Variants in NR6A1 observed in about 807,000 individuals in gnomAD.
NR6A1 encodes the protein nuclear receptor subfamily 6 group A member 1.
Under a neutral mutation model 59.1 loss-of-function variants are expected in NR6A1, and 7 were observed. The observed-to-expected ratio is 0.12, with a 90% CI of 0.07 to 0.22. NR6A1 has a LOEUF of 0.22. Ranked by LOEUF, NR6A1 falls within the 10% of genes least tolerant of loss-of-function variation. The probability of loss-of-function intolerance (pLI) is 1.00; values close to 1 mark genes in which losing one functional copy is unlikely to be tolerated. For synonymous variants in NR6A1, 243 were observed against 236.1 expected, an observed-to-expected ratio of 1.03 and a Z score of -0.27; for missense variants, 468 against 611.6, an observed-to-expected ratio of 0.77 and a Z score of 2.48.
Position 124,554,255 on chromosome 9 carries a change from T to G in NR6A1, c.385+73A>C, listed in dbSNP as rs569859420. On this transcript the variant is annotated intron_variant, in intron 3 of 9. Coordinates refer to ENST00000487099, the MANE Select transcript of NR6A1 (RefSeq NM_033334.4). ...ATGTAGTGCAAGCTTGAGGAATAAG[T>G]AACTAAACAGCTGACACTAAAGGTA... is the stretch of plus-strand genomic sequence containing the variant. 2.5e-6 allele frequency: 4 copies of G among 1,604,974 alleles called. No individual in the cohort carries two copies. The East Asian group carries it at 8.9e-5, about 36-fold the overall frequency.
rs1346415555 is a variant in NR6A1 at position 124,538,161 on chromosome 9, C to A, written c.755G>T (p.Ser252Ile). ...QARSLDPQSY[S>I]LIHQLLSAED... ...GGCTGATAACAGCTGGTGAATCAGA[C>A]TGTATGACTGGGGATCCAGGCTGCG... Residue 252 changes from serine to isoleucine, a missense_variant, in exon 6 of 10, where the codon AGT (serine) becomes ATT (isoleucine). Around this residue, in one of 4 missense-constraint regions of NR6A1, gnomAD observed 151 missense variants for 142.8 expected, o/e 1.06. Transcript: ENST00000487099. The A allele has an allele frequency of 6.2e-7, 1 of 1,614,192 alleles. No individual in the cohort carries two copies. Among genetic ancestry groups the A allele is most frequent in the South Asian group, 1.1e-5 (1 of 91,082 alleles).
chr9:124,598,476 T>C (rs951801962), intron 2 of NR6A1, among the ~76,000 whole-genome samples: 5 of 151,404 alleles, frequency 3.3e-5, no homozygotes, highest in African/African-American at 9.7e-5. Flanking sequence ...CTTTGAAATG[T>C]GGGAAAAAAG....
intron 2 of NR6A1, among the ~76,000 whole-genome samples, chr9:124,588,674 C>T (rs1185115899): frequency 6.8e-5 from 10 of 147,634 alleles, no homozygotes; most frequent in Non-Finnish European, 1.2e-4. Context: ...AATCCCAGCA[C>T]TTTGGGAGGC....
chr9:124,658,597 CAGA>C (rs1469519182), intron 2 of NR6A1: 1 of 152,120 alleles, frequency 6.6e-6, no homozygotes, highest in African/African-American at 2.4e-5. Context: ...TCTGGAAACA[CAGA>C]AGTTGTCCTC....
At chr9:124,614,567 G>A (rs1835838544) in intron 2 of NR6A1, among the ~76,000 whole-genome samples, 1 of 152,124 alleles carries the variant, frequency 6.6e-6, no homozygotes, top group Non-Finnish European at 1.5e-5. Context: ...CATGAGAGAT[G>A]GATAAGTCAG....
In NR6A1 at chr9:124,609,240, G is replaced by A. The variant is rs562561761; in HGVS notation, c.143-54670C>T. On this transcript the variant is annotated intron_variant, in intron 2 of 9. Coordinates refer to ENST00000487099, the MANE Select transcript of NR6A1 (RefSeq NM_033334.4). ...TTTCACCTAGGGTTTTTATGGTTTT[G>A]GATTTTACATTTAAGTCTTTAGTCC... 3.3e-5 allele frequency among the ~76,000 whole-genome samples: 5 copies of A among 152,104 alleles called. 1 individual carries two copies. The South Asian group carries it at 1.0e-3, about 32-fold the overall frequency.
At chr9:124,633,795 A>T (rs969892926) in intron 2 of NR6A1, among the ~76,000 whole-genome samples, 7 of 152,232 alleles carry the variant, frequency 4.6e-5, no homozygotes, top group Non-Finnish European at 7.3e-5. Flanking sequence ...AAGAAACTGC[A>T]CGCATGGTGA....
chr9:124,629,135 T>A (rs1427797165), intron 2 of NR6A1, among the ~76,000 whole-genome samples: 1 of 152,126 alleles, frequency 6.6e-6, no homozygotes, highest in Non-Finnish European at 1.5e-5. Flanking sequence ...CTGCCACAAG[T>A]GAATGGAGTT....
At chr9:124,535,390 CAACATGGTGA>C (rs1483927858) in intron 7 of NR6A1, among the ~76,000 whole-genome samples, 5 of 151,998 alleles carry the variant, frequency 3.3e-5, no homozygotes, top group Admixed American at 2.6e-4. Context: ...CCAGTCTCGC[CAACATGGTGA>C]AACCTCGTCT....
At chr9:124,745,509 T>C (rs1257144948) in intron 1 of NR6A1, among the ~76,000 whole-genome samples, 4 of 148,072 alleles carry the variant, frequency 2.7e-5, no homozygotes, top group Non-Finnish European at 6.0e-5. Context: ...CCGTCTTTAC[T>C]AAAAATACAA....
At chr9:124,619,150 C>T (rs1480381539) in intron 2 of NR6A1, among the ~76,000 whole-genome samples, 4 of 152,084 alleles carry the variant, frequency 2.6e-5, no homozygotes, top group Admixed American at 6.5e-5. Context: ...TATCTATTAA[C>T]GCAACCATTC....
chr9:124,647,874 T>C (rs1836985218), intron 2 of NR6A1, among the ~76,000 whole-genome samples: 1 of 152,270 alleles, frequency 6.6e-6, no homozygotes, highest in African/African-American at 2.4e-5. Context: ...TGCTGAATTA[T>C]ATGAAACACT....
At chr9:124,630,670 CTTTTTTTT>C (rs71372980) in intron 2 of NR6A1, among the ~76,000 whole-genome samples, 4 of 59,518 alleles carry the variant, frequency 6.7e-5, no homozygotes, top group African/African-American at 2.9e-4. Flanking sequence ...TACTACATTT[CTTTTTTTT>C]TTTTTTTTTT....
intron 2 of NR6A1, chr9:124,698,221 C>G (rs1368437725): frequency 6.6e-6 from 1 of 152,120 alleles, no homozygotes; most frequent in Non-Finnish European, 1.5e-5. Flanking sequence ...TAAATCATGT[C>G]TTTCTACTCT....
chr9:124,615,635 T>C (rs78956461), intron 2 of NR6A1, among the ~76,000 whole-genome samples: 165 of 152,012 alleles, frequency 1.1e-3, no homozygotes, highest in African/African-American at 3.8e-3. Flanking sequence ...TTTTTTTTTT[T>C]CCCAGAATGA....
In NR6A1 at chr9:124,628,621, A is replaced by G. The variant is rs965157177; in HGVS notation, c.143-74051T>C. Reference sequence around the variant, plus strand: ...CTCCCAAAGTGCTGGGATTACAGGCATGAGCCACCACGTCCAGCCTATTTT... The same window carrying G: ...CTCCCAAAGTGCTGGGATTACAGGCGTGAGCCACCACGTCCAGCCTATTTT... On this transcript the variant is annotated intron_variant, in intron 2 of 9. Coordinates refer to ENST00000487099, the MANE Select transcript of NR6A1 (RefSeq NM_033334.4). Among the ~76,000 whole-genome samples, 14 of 149,148 alleles carry G rather than the reference A, an allele frequency of 9.4e-5. No individual in the cohort carries two copies. The East Asian group carries it at 2.0e-3, about 21-fold the overall frequency.
intron 2 of NR6A1, among the ~76,000 whole-genome samples, chr9:124,708,905 G>C (rs1486407157): frequency 6.6e-6 from 1 of 152,182 alleles, no homozygotes; most frequent in African/African-American, 2.4e-5. Context: ...CACTGGCCCA[G>C]GTCTTAACTC....
intron 2 of NR6A1, among the ~76,000 whole-genome samples, chr9:124,723,039 T>C (rs532733448): frequency 3.9e-5 from 6 of 152,180 alleles, no homozygotes; most frequent in Admixed American, 2.6e-4. Context: ...TATATATACA[T>C]ACACACTATA....
intron 2 of NR6A1, among the ~76,000 whole-genome samples, chr9:124,696,417 A>T (rs1241201900): frequency 6.6e-6 from 1 of 152,108 alleles, no homozygotes; most frequent in Non-Finnish European, 1.5e-5. Context: ...CCCTTCCATC[A>T]TCCTGTTCGG....
Sources: allele counts gnomAD v4.1 joint callset (sites outside exome capture counted in the v4.1 genomes callset), GRCh38; gene constraint gnomAD v4.1.1; regional missense constraint gnomAD v4.1.1; transcripts MANE v1.5; gene names NCBI Gene and HGNC (gene_info 2026-07-23, HGNC 2026-07-21).